Variants in SLIT3 observed in about 807,000 individuals in gnomAD.
SLIT3 encodes the protein slit guidance ligand 3.
In SLIT3, 68 loss-of-function variants were observed where a neutral mutation model predicts 184.0. That is an observed-to-expected ratio of 0.37 (90% CI 0.30 to 0.45). The LOEUF is 0.45. Ranked by LOEUF, SLIT3 falls within the 20% of genes least tolerant of loss-of-function variation. The probability of loss-of-function intolerance (pLI) is 1.00; values close to 1 mark genes in which losing one functional copy is unlikely to be tolerated. For missense variants in SLIT3, 1,707 were observed against 2,026.0 expected (o/e 0.84, Z 3.02); for synonymous variants, 831 against 828.6 (o/e 1.00, Z -0.05).
intron 8 of SLIT3, 149 bp downstream of exon 8, chr5:168,817,151 T>C: frequency 1.6e-6 from 1 of 624,358 alleles, no homozygotes. Context: ...GTTCTTTAAG[T>C]GACTACTGAG....
At chr5:169,098,113 G>A (rs1759857174) in intron 4 of SLIT3, among the ~76,000 whole-genome samples, 1 of 151,852 alleles carries the variant, frequency 6.6e-6, no homozygotes, top group African/African-American at 2.4e-5. Context: ...GGTATCCCTG[G>A]GCCCCGGCTT....
intron 4 of SLIT3, among the ~76,000 whole-genome samples, chr5:169,004,578 T>C (rs1237534469): frequency 6.6e-6 from 1 of 152,166 alleles, no homozygotes; most frequent in Admixed American, 6.5e-5. Flanking sequence ...AAATTCTGCC[T>C]CTGCGTCTCC....
chr5:168,745,415 A>ATTT (rs766320198), intron 20 of SLIT3, among the ~76,000 whole-genome samples: 1 of 146,074 alleles, frequency 6.8e-6, no homozygotes. Flanking sequence ...ACTGACTCCA[A>ATTT]TTTTTTTTTT....
chr5:169,178,055 C>T (rs1488308706), intron 4 of SLIT3, among the ~76,000 whole-genome samples: 2 of 152,216 alleles, frequency 1.3e-5, no homozygotes, highest in African/African-American at 4.8e-5. Flanking sequence ...TTTGGTAGAA[C>T]CACTCACAAT....
At chr5:168,667,314 A>G (rs1367143162) in intron 35 of SLIT3, among the ~76,000 whole-genome samples, 1 of 152,230 alleles carries the variant, frequency 6.6e-6, no homozygotes, top group African/African-American at 2.4e-5. Flanking sequence ...GGTAGATGCT[A>G]TAAAGAAAGG....
intron 17 of SLIT3, 41 bp downstream of exon 17, chr5:168,753,823 T>A (rs200719555): frequency 3.0e-4 from 475 of 1,590,678 alleles, no homozygotes; most frequent in Non-Finnish European, 3.8e-4. Flanking sequence ...CCCTCCCGTC[T>A]CCCTCTGGGT....
intron 4 of SLIT3, among the ~76,000 whole-genome samples, chr5:168,965,093 A>G (rs1236176497): frequency 6.6e-6 from 1 of 152,206 alleles, no homozygotes; most frequent in East Asian, 1.9e-4. Flanking sequence ...AGCACAGTCT[A>G]TGCTGTATGT....
intron 20 of SLIT3, among the ~76,000 whole-genome samples, chr5:168,746,375 TGTG>T (rs1315889535): frequency 8.3e-6 from 1 of 120,444 alleles, no homozygotes; most frequent in Admixed American, 9.1e-5. Context: ...GGTGTGTGAG[TGTG>T]GTGGTGTGGG....
intron 4 of SLIT3, among the ~76,000 whole-genome samples, chr5:169,186,535 G>T (rs757014312): frequency 4.6e-5 from 7 of 152,210 alleles, no homozygotes; most frequent in African/African-American, 7.2e-5. Flanking sequence ...ACCAACACAA[G>T]ACTGAAAAAG....
intron 20 of SLIT3, among the ~76,000 whole-genome samples, chr5:168,743,330 C>T (rs1029291384): frequency 6.6e-6 from 1 of 152,172 alleles, no homozygotes; most frequent in African/African-American, 2.4e-5. Flanking sequence ...GACTTCATGT[C>T]TCTGTGTTAC....
rs758532825 is a variant in SLIT3 at position 168,666,473 on chromosome 5, C to T, written c.4553G>A (p.Gly1518Asp). Residue 1518 changes from glycine to aspartate, a missense_variant, in exon 36 of 36, where the codon GGC (glycine) becomes GAC (aspartate). Gly to Asp is a moderately conservative substitution (Grantham distance 94). Around this residue, in one of 3 missense-constraint regions of SLIT3, gnomAD observed 387 missense variants for 477.9 expected, o/e 0.81. Coordinates refer to ENST00000519560, the MANE Select transcript of SLIT3 (RefSeq NM_003062.4). ...AGGGGCTTAGGAACACGCGAGGCAG[C>T]CGCACTCTAAGTGTCTCTCCACCTC... is the stretch of plus-strand genomic sequence containing the variant. ...VEEVERHLECGCLACS is the reference protein window; with the variant it reads ...VEEVERHLECDCLACS 154 of 1,580,920 alleles carry T rather than the reference C, an allele frequency of 9.7e-5. No individual in the cohort carries two copies. The highest frequency in any genetic ancestry group is 1.2e-4 in the Non-Finnish European group (145 of 1,160,354).
intron 4 of SLIT3, among the ~76,000 whole-genome samples, chr5:169,140,510 G>C (rs1025751419): frequency 1.4e-4 from 15 of 104,492 alleles, no homozygotes; most frequent in African/African-American, 5.1e-4. Context: ...AAAAAAAAAA[G>C]ACGCAGGCGG....
chr5:168,761,155 G>A (rs1263706053), intron 15 of SLIT3, among the ~76,000 whole-genome samples: 1 of 152,146 alleles, frequency 6.6e-6, no homozygotes, highest in Non-Finnish European at 1.5e-5. Flanking sequence ...GCCTCCTTCG[G>A]CTGGGGTTTA....
chr5:169,270,535 A>G (rs1158746306), intron 1 of SLIT3, among the ~76,000 whole-genome samples: 1 of 152,178 alleles, frequency 6.6e-6, no homozygotes, highest in Non-Finnish European at 1.5e-5. Context: ...CCGTTTATAC[A>G]TTGTCTATGG....
At chr5:169,019,336 T>C (rs990828863) in intron 4 of SLIT3, among the ~76,000 whole-genome samples, 1 of 152,240 alleles carries the variant, frequency 6.6e-6, no homozygotes, top group Non-Finnish European at 1.5e-5. Flanking sequence ...CTCTGCCCTT[T>C]GCTTTGCGTT....
At chr5:168,822,533 A>G (rs1264978618) in intron 7 of SLIT3, among the ~76,000 whole-genome samples, 3 of 152,176 alleles carry the variant, frequency 2.0e-5, no homozygotes, top group Non-Finnish European at 4.4e-5. Flanking sequence ...AGGCTGATAG[A>G]GTCCACTTAC....
intron 3 of SLIT3, among the ~76,000 whole-genome samples, chr5:169,228,300 CA>C (rs922590537): frequency 2.6e-5 from 4 of 151,904 alleles, no homozygotes; most frequent in Non-Finnish European, 5.9e-5. Context: ...GGTCAAGGGC[CA>C]AAAAGGCCTC....
intron 1 of SLIT3, among the ~76,000 whole-genome samples, chr5:169,268,737 G>A: frequency 6.6e-6 from 1 of 152,026 alleles, no homozygotes; most frequent in Non-Finnish European, 1.5e-5. Flanking sequence ...AACCTCAGAG[G>A]GTTTTTGAGA....
intron 32 of SLIT3, among the ~76,000 whole-genome samples, chr5:168,675,802 G>C (rs973015036): frequency 6.6e-6 from 1 of 152,186 alleles, no homozygotes; most frequent in Non-Finnish European, 1.5e-5. Flanking sequence ...TGCCTGCAAA[G>C]CTAGTGATCC....
Sources: gnomAD v4.1 joint callset for allele counts (sites outside exome capture counted in the v4.1 genomes callset) on GRCh38, gnomAD v4.1.1 for gene constraint, gnomAD v4.1.1 regional missense constraint, MANE v1.5 for transcripts, NCBI Gene and HGNC (gene_info 2026-07-23, HGNC 2026-07-21) for gene names.